HEPH: variants seen among roughly 807,000 people sequenced by gnomAD.
HEPH encodes hephaestin.
A neutral mutation model predicts 80.8 loss-of-function variants in HEPH; 69 were observed. That is an observed-to-expected ratio of 0.85 (90% CI 0.70 to 1.04). The LOEUF (loss-of-function observed/expected upper bound fraction) is 1.04, where lower values mean the gene tolerates loss of function less well. Among genes scored for constraint, HEPH ranks in the 50% least tolerant of loss-of-function variants. The probability of loss-of-function intolerance (pLI) is 0.00; values close to 1 mark genes in which losing one functional copy is unlikely to be tolerated. For synonymous variants in HEPH, 431 were observed against 322.8 expected (o/e 1.34, Z -3.60); for missense variants, 1,115 against 891.3 (o/e 1.25, Z -3.20).
At position 66,258,825 on chromosome X, in the gene HEPH, C is replaced by CT. The variant is rs766617116; in HGVS notation, c.2897-6dup. On this transcript the variant is annotated splice_polypyrimidine_tract_variant and intron_variant, in intron 17 of 20. Coordinates refer to ENST00000343002, the MANE Select transcript of HEPH (RefSeq NM_001367233.3). ...TTTTTCTTTTCTTTTCTTTTCTTTT[C>CT]TTTTTTTTTGACAGCAATCAATGGG... 1.4e-3 allele frequency: 1,499 copies of CT among 1,088,091 alleles called. 2 individuals carry two copies. Among genetic ancestry groups the CT allele is most frequent in the Admixed American group, 2.0e-3 (55 of 27,905 alleles). 89.7% of individuals were successfully genotyped at this position (1,088,091 alleles called of 1,213,427 possible). A position where few individuals can be genotyped will look rare whatever the true frequency, so the allele number is the denominator to read the frequency against.
rs191901606 is a variant in HEPH at position 66,254,535 on chromosome X, G to A, written c.2564-500G>A. Among the ~76,000 whole-genome samples the A allele has an allele frequency of 6.5e-4, 72 of 110,653 alleles. No homozygotes were observed. The East Asian group carries it at 0.019, about 29-fold the overall frequency. On this transcript the variant is annotated intron_variant, in intron 15 of 20. Transcript: ENST00000343002. Reference sequence around the variant, plus strand: ...AGCATCTAATTGAATATTTGGAGTTGGAGCTTAGTAACAAGGGGAGTCTGG... The same window carrying A: ...AGCATCTAATTGAATATTTGGAGTTAGAGCTTAGTAACAAGGGGAGTCTGG...
chrX:66,228,099 G>C (rs999524917), intron 15 of HEPH, among the ~76,000 whole-genome samples: 1 of 111,543 alleles, frequency 9.0e-6, no homozygotes, highest in Non-Finnish European at 1.9e-5. Context: ...CATGCAGCTG[G>C]GGAGACCTCA....
At position 66,266,798 on chromosome X, in the gene HEPH, C is replaced by G. The variant is rs2091554784; in HGVS notation, c.*126C>G. 4.5e-6 allele frequency: 2 copies of G among 447,215 alleles called. No homozygotes were observed. Among genetic ancestry groups the G allele is most frequent in the Non-Finnish European group, 3.9e-6 (1 of 256,393 alleles). 36.9% of individuals were successfully genotyped at this position (447,215 alleles called of 1,213,427 possible). On this transcript the variant is annotated 3_prime_UTR_variant, in exon 21 of 21. Transcript: ENST00000343002. The stretch of plus-strand genomic sequence containing the variant: ...TGGAGAAGCAGAAGGAGCAATCAAG[C>G]TTATCTGGATATTTCTTTCTTTATT...
upstream of HEPH, among the ~76,000 whole-genome samples, chrX:66,163,393 A>G (rs1353791332): frequency 9.0e-5 from 10 of 110,621 alleles, no homozygotes; most frequent in Admixed American, 8.7e-4. Flanking sequence ...AGTATTTTCA[A>G]TTCTTCCATG....
At chrX:66,257,651 A>G (rs181519112) in intron 17 of HEPH, among the ~76,000 whole-genome samples, 10 of 112,400 alleles carry the variant, frequency 8.9e-5, no homozygotes, top group Non-Finnish European at 1.1e-4. Context: ...CATACCCCAC[A>G]GTGAAATAAT....
At chrX:66,252,751 A>G (rs909148893) in intron 15 of HEPH, among the ~76,000 whole-genome samples, 4 of 112,417 alleles carry the variant, frequency 3.6e-5, no homozygotes, top group African/African-American at 1.3e-4. Flanking sequence ...TGGCATAAGG[A>G]TAGACAGATA....
At chrX:66,262,925 A>G in intron 19 of HEPH, among the ~76,000 whole-genome samples, 1 of 111,473 alleles carries the variant, frequency 9.0e-6, no homozygotes, top group Non-Finnish European at 1.9e-5. Flanking sequence ...TAATGTGACC[A>G]TGGGAGTGGT....
Position 66,247,988 on chromosome X carries a change from T to G in HEPH, c.2564-7047T>G, listed in dbSNP as rs781320173. ...CCTCTGATTTGCACCATCTTCCCTT[T>G]CTTTTATCCAGTTACAAATAATAAG... On this transcript the variant is annotated intron_variant, in intron 15 of 20. Transcript: ENST00000343002. 8.9e-5 allele frequency among the ~76,000 whole-genome samples: 10 copies of G among 111,999 alleles called. No individual in the cohort carries two copies. The East Asian group carries it at 2.5e-3, about 28-fold the overall frequency.
At chrX:66,165,634 T>C (rs974205002) in intron 1 of HEPH, among the ~76,000 whole-genome samples, 3 of 111,424 alleles carry the variant, frequency 2.7e-5, no homozygotes, top group African/African-American at 9.8e-5. Context: ...CAGGTGACAC[T>C]GGGATGGCAG....
intron 5 of HEPH, 50 bp downstream of exon 5, chrX:66,188,591 G>A (rs772117587): frequency 1.9e-6 from 2 of 1,053,488 alleles, no homozygotes; most frequent in Non-Finnish European, 2.6e-6. Flanking sequence ...TTGTTGGAGG[G>A]TATCCACTGG....
chrX:66,221,401 A>C (rs1011068578), intron 15 of HEPH, among the ~76,000 whole-genome samples: 2 of 112,802 alleles, frequency 1.8e-5, no homozygotes, highest in Admixed American at 1.9e-4. Flanking sequence ...TACTTGGTTA[A>C]TCTAGCATTT....
rs200699615 is a variant in HEPH, at chrX:66,173,651, G to T, written c.475G>T (p.Gly159Cys). The T allele has an allele frequency of 3.4e-4, 415 of 1,208,912 alleles. 3 individuals are homozygous for T. In the East Asian group the frequency reaches 0.012, roughly 34 times the overall value. The change falls in exon 4 of 21, where the codon GGC (glycine) becomes TGC (cysteine). Residue 159 changes from glycine (G) to cysteine (C), a missense_variant. Transcript: ENST00000343002. ...AGCTGATGACTCTGTTCCCCCGGGG[G>T]GCAGCCATATCTACAACTGGACCAT... Reference protein sequence around the residue: ...LKADDSVPPGGSHIYNWTIPE... With the variant: ...LKADDSVPPGCSHIYNWTIPE...
chrX:66,187,962 A>G (rs2087559456), intron 4 of HEPH, among the ~76,000 whole-genome samples: 1 of 111,913 alleles, frequency 8.9e-6, no homozygotes, highest in Admixed American at 9.5e-5. Context: ...GAAATCAGAT[A>G]TGTAGTAAGA....
At chrX:66,261,322 G>C (rs1472405406) in intron 19 of HEPH, among the ~76,000 whole-genome samples, 1 of 111,682 alleles carries the variant, frequency 9.0e-6, no homozygotes, top group African/African-American at 3.3e-5. Context: ...ATTTTATATG[G>C]AGAGGGAGCA....
In HEPH at chrX:66,226,659, A is replaced by G. The variant is rs903771353; in HGVS notation, c.2563+18413A>G. Among the ~76,000 whole-genome samples, 8 of 112,020 alleles carry G rather than the reference A, an allele frequency of 7.1e-5. No homozygotes were observed. The East Asian group carries it at 2.2e-3, about 31-fold the overall frequency. On this transcript the variant is annotated intron_variant, in intron 15 of 20. Coordinates refer to ENST00000343002, the MANE Select transcript of HEPH (RefSeq NM_001367233.3). ...AAAAGATCACTCAAGGCTACTATGA[A>G]CACCTTTACATGCATAAACTAGAAA...
At chrX:66,186,937 T>G (rs1386332505) in intron 4 of HEPH, among the ~76,000 whole-genome samples, 1 of 111,448 alleles carries the variant, frequency 9.0e-6, no homozygotes, top group Non-Finnish European at 1.9e-5. Flanking sequence ...TTCTTTTTTC[T>G]TTGTCTTTGT....
At chrX:66,254,236 C>T (rs7064668) in intron 15 of HEPH, among the ~76,000 whole-genome samples, 6,739 of 110,293 alleles carry the variant, frequency 0.061, 486 homozygotes, top group African/African-American at 0.21. Context: ...CAAACTAGGG[C>T]AAGAGTAATG....
At chrX:66,191,718 A>G (rs774900437) in intron 6 of HEPH, among the ~76,000 whole-genome samples, 4 of 111,983 alleles carry the variant, frequency 3.6e-5, no homozygotes, top group Admixed American at 9.5e-5. Context: ...TACCAGCCCC[A>G]TGAGGTGGAT....
chrX:66,213,804 C>G (rs1170840564), intron 15 of HEPH, among the ~76,000 whole-genome samples: 1 of 112,111 alleles, frequency 8.9e-6, no homozygotes, highest in African/African-American at 3.2e-5. Context: ...ACAAAACAAA[C>G]ATTCCTGAAG....
Sources: allele counts gnomAD v4.1 joint callset (sites outside exome capture counted in the v4.1 genomes callset), GRCh38; gene constraint gnomAD v4.1.1; transcripts MANE v1.5; gene names NCBI Gene and HGNC (gene_info 2026-07-23, HGNC 2026-07-21).